Variants in LRMDA observed in about 807,000 individuals in gnomAD.
The protein encoded by LRMDA is leucine rich melanocyte differentiation associated, also known as leucine-rich melanocyte differentiation-associated protein.
Under a neutral mutation model 29.8 loss-of-function variants are expected in LRMDA, and 18 were observed. The observed-to-expected ratio is 0.60, with a 90% CI of 0.42 to 0.90. The LOEUF is 0.90. Among genes scored for constraint, LRMDA ranks in the 40% least tolerant of loss-of-function variants. LRMDA has a pLI of 0.00. For synonymous variants in LRMDA, 125 were observed against 109.4 expected, an observed-to-expected ratio of 1.14 and a Z score of -0.89; for missense variants, 273 against 273.9, an observed-to-expected ratio of 1.00 and a Z score of 0.02.
chr10:75,876,451 C>G (rs957282299), intron 2 of LRMDA, among the ~76,000 whole-genome samples: 1 of 152,054 alleles, frequency 6.6e-6, no homozygotes, highest in Non-Finnish European at 1.5e-5. Flanking sequence ...CTCGCGGGAG[C>G]TATCTTAAGG....
chr10:75,742,181 C>T (rs1483241834), intron 2 of LRMDA, among the ~76,000 whole-genome samples: 2 of 152,216 alleles, frequency 1.3e-5, no homozygotes, highest in East Asian at 3.8e-4. Flanking sequence ...ATGCACGTTC[C>T]TTGCTCTCTC....
At chr10:76,481,389 A>G (rs1410481313) in intron 6 of LRMDA, among the ~76,000 whole-genome samples, 1 of 151,900 alleles carries the variant, frequency 6.6e-6, no homozygotes, top group Non-Finnish European at 1.5e-5. Flanking sequence ...TTTGACAGAG[A>G]TGAAGGCTGG....
At chr10:76,086,614 G>T (rs1261197769) in intron 5 of LRMDA, among the ~76,000 whole-genome samples, 2 of 152,138 alleles carry the variant, frequency 1.3e-5, no homozygotes, top group African/African-American at 2.4e-5. Flanking sequence ...CTTCTCTGTG[G>T]CTACCACACA....
chr10:75,736,962 G>A (rs188209059), intron 2 of LRMDA, among the ~76,000 whole-genome samples: 1 of 152,128 alleles, frequency 6.6e-6, no homozygotes. Flanking sequence ...TGGGGAACAC[G>A]GCTGATTTGG....
chr10:76,290,411 CTTTTTT>C (rs11321369), intron 5 of LRMDA, among the ~76,000 whole-genome samples: 3 of 76,750 alleles, frequency 3.9e-5, no homozygotes, highest in South Asian at 6.2e-4. Flanking sequence ...TTTATTTTCT[CTTTTTT>C]TTTTTTTTTT....
chr10:76,277,653 G>T (rs1296036226), intron 5 of LRMDA, among the ~76,000 whole-genome samples: 1 of 152,046 alleles, frequency 6.6e-6, no homozygotes, highest in South Asian at 2.1e-4. Flanking sequence ...CTCTGATCAT[G>T]TTTGAGTAAC....
intron 2 of LRMDA, among the ~76,000 whole-genome samples, chr10:75,732,622 TGCTGA>T (rs1458157147): frequency 3.9e-5 from 6 of 152,218 alleles, no homozygotes; most frequent in Non-Finnish European, 7.3e-5. Context: ...CTCTCTTGTG[TGCTGA>T]GTATCCTCAT....
chr10:76,269,910 A>C (rs897748117), intron 5 of LRMDA, among the ~76,000 whole-genome samples: 1 of 152,250 alleles, frequency 6.6e-6, no homozygotes, highest in African/African-American at 2.4e-5. Flanking sequence ...TGTTTTTAAC[A>C]TCACCTAATA....
intron 2 of LRMDA, among the ~76,000 whole-genome samples, chr10:75,710,716 G>A (rs527526327): frequency 6.6e-6 from 1 of 152,374 alleles, no homozygotes; most frequent in East Asian, 1.9e-4. Flanking sequence ...TGGGTTAAAT[G>A]TGTGGCCAAG....
intron 6 of LRMDA, among the ~76,000 whole-genome samples, chr10:76,504,318 T>C (rs1842939104): frequency 1.3e-5 from 2 of 151,988 alleles, no homozygotes; most frequent in African/African-American, 4.8e-5. Flanking sequence ...CAGTTGGGTA[T>C]AGTATTCTTT....
chr10:75,771,528 A>T (rs1293605586), intron 2 of LRMDA, among the ~76,000 whole-genome samples: 1 of 152,138 alleles, frequency 6.6e-6, no homozygotes, highest in African/African-American at 2.4e-5. Context: ...AGAGGAGGTC[A>T]GTGTGGCTGG....
rs558138779 is a variant in LRMDA, at chr10:75,729,399, C to T, written c.131+290905C>T. ...CGCCAGCTTCATCCTTCATCGTCCTCTCAGGAGTTCCTGATCTTTCTTTTG... is the reference window on the plus strand; with the variant it reads ...CGCCAGCTTCATCCTTCATCGTCCTTTCAGGAGTTCCTGATCTTTCTTTTG... On this transcript the variant is annotated intron_variant, in intron 2 of 6. Transcript: ENST00000611255. Among the ~76,000 whole-genome samples the T allele has an allele frequency of 7.9e-5, 12 of 152,336 alleles. 1 individual carries two copies. In the South Asian group the frequency reaches 2.5e-3, roughly 32 times the overall value.
At chr10:76,076,574 G>A (rs1225442740) in intron 5 of LRMDA, among the ~76,000 whole-genome samples, 2 of 152,068 alleles carry the variant, frequency 1.3e-5, no homozygotes, top group East Asian at 1.9e-4. Flanking sequence ...CAAATAAAGA[G>A]CACTAAGATG....
At chr10:75,949,392 A>G (rs1361706117) in intron 2 of LRMDA, among the ~76,000 whole-genome samples, 1 of 152,246 alleles carries the variant, frequency 6.6e-6, no homozygotes, top group Non-Finnish European at 1.5e-5. Context: ...AGGGCTTCTC[A>G]GTAAAAGTCT....
chr10:75,604,071 C>G (rs1349446453), intron 2 of LRMDA, among the ~76,000 whole-genome samples: 1 of 152,030 alleles, frequency 6.6e-6, no homozygotes, highest in East Asian at 1.9e-4. Context: ...CTCTCCAGTC[C>G]CCAATTTTAT....
rs1200162689 is a variant in LRMDA, at chr10:75,431,693, C to T, written c.-32C>T. On this transcript the variant is annotated 5_prime_UTR_variant, in exon 1 of 7. Coordinates refer to ENST00000611255, the MANE Select transcript of LRMDA (RefSeq NM_001305581.2). The stretch of plus-strand genomic sequence containing the variant: ...GCTGCTGCCGCCGCGCCCCCGCGCT[C>T]CGTCCCGCGCGCCCGCAGCGTCCTG... The T allele has an allele frequency of 7.7e-7, 1 of 1,290,694 alleles. No homozygotes were observed. Among genetic ancestry groups the T allele is most frequent in the South Asian group, 2.8e-5 (1 of 35,922 alleles). 80.0% of individuals were successfully genotyped at this position (1,290,694 alleles called of 1,614,324 possible).
intron 2 of LRMDA, among the ~76,000 whole-genome samples, chr10:75,863,130 T>C (rs1323482235): frequency 2.6e-5 from 4 of 152,220 alleles, no homozygotes; most frequent in Non-Finnish European, 4.4e-5. Flanking sequence ...ATTTATGAGA[T>C]GAATGTTGGA....
chr10:75,925,614 G>GGCAGTGGTGGTGGTAATGGTA (rs1846108033), intron 2 of LRMDA, among the ~76,000 whole-genome samples: 2 of 152,132 alleles, frequency 1.3e-5, no homozygotes, highest in African/African-American at 4.8e-5. Context: ...AGGTGATGGT[G>GGCAGTGGTGGTGGTAATGGTA]GCAGTGGTGG....
chr10:76,199,222 T>G (rs1851384970), intron 5 of LRMDA, among the ~76,000 whole-genome samples: 1 of 152,210 alleles, frequency 6.6e-6, no homozygotes, highest in Non-Finnish European at 1.5e-5. Flanking sequence ...ATAATGGTCC[T>G]GTTTTTACCA....
Sources: gnomAD v4.1 joint callset for allele counts (sites outside exome capture counted in the v4.1 genomes callset) on GRCh38, gnomAD v4.1.1 for gene constraint, MANE v1.5 for transcripts, NCBI Gene and HGNC (gene_info 2026-07-23, HGNC 2026-07-21) for gene names.